Variants in DOCK3 observed in about 807,000 individuals in gnomAD.
DOCK3 encodes dedicator of cytokinesis 3, also known as dedicator of cytokinesis protein 3.
DOCK3 carries 60 observed loss-of-function variants against 265.6 expected under a neutral mutation model. That is an observed-to-expected ratio of 0.23 (90% CI 0.18 to 0.28). The LOEUF is 0.28. Ranked by LOEUF, DOCK3 falls within the 10% of genes least tolerant of loss-of-function variation. The pLI, the probability that DOCK3 is intolerant of heterozygous loss-of-function variation, is 1.00. For missense variants in DOCK3, 1,981 were observed against 2,594.3 expected (o/e 0.76, Z 5.14); for synonymous variants, 881 against 938.0 (o/e 0.94, Z 1.11).
chr3:51,331,932 A>C (rs946906988), intron 33 of DOCK3, among the ~76,000 whole-genome samples: 1 of 152,252 alleles, frequency 6.6e-6, no homozygotes, highest in African/African-American at 2.4e-5. Flanking sequence ...ACACATTTGA[A>C]AAATGCTGGT....
intron 5 of DOCK3, among the ~76,000 whole-genome samples, chr3:51,047,907 C>G (rs2080840078): frequency 6.6e-6 from 1 of 151,996 alleles, no homozygotes. Flanking sequence ...ACCATATTAC[C>G]AAAGCGAGAC....
intron 1 of DOCK3, among the ~76,000 whole-genome samples, chr3:50,737,165 TG>T (rs1329325216): frequency 2.6e-5 from 4 of 152,212 alleles, no homozygotes; most frequent in African/African-American, 9.7e-5. Context: ...CTATTCACTC[TG>T]ATGGTAGTTT....
intron 25 of DOCK3, among the ~76,000 whole-genome samples, chr3:51,276,146 G>A (rs1001226855): frequency 2.0e-5 from 3 of 152,156 alleles, no homozygotes; most frequent in East Asian, 1.9e-4. Context: ...TATTTTGTTC[G>A]AGCAGGGGAC....
intron 2 of DOCK3, 40 bp downstream of exon 2, chr3:50,778,798 T>A: frequency 7.1e-7 from 1 of 1,412,558 alleles, no homozygotes. Flanking sequence ...TGTGATCATT[T>A]TTGGCAGTAT....
rs9822202 is a variant in DOCK3 at position 50,722,392 on chromosome 3, A to C, written c.37+47092A>C. On this transcript the variant is annotated intron_variant, in intron 1 of 52. Transcript: ENST00000266037. ...TATTAAGAATTTTACCAGTGCCCAG[A>C]TTCCTAACCCTGGTGAAGAAAAAGT... Among the ~76,000 whole-genome samples the C allele has an allele frequency of 3.4e-3, 523 of 152,350 alleles. 4 individuals are homozygous for C. Among genetic ancestry groups the C allele is most frequent in the African/African-American group, 0.012 (504 of 41,576 alleles).
At chr3:51,211,327 G>A (rs2089487326) in intron 13 of DOCK3, among the ~76,000 whole-genome samples, 1 of 152,022 alleles carries the variant, frequency 6.6e-6, no homozygotes, top group African/African-American at 2.4e-5. Flanking sequence ...CAGATTAACA[G>A]AGAAATTGTA....
chr3:51,189,509 C>G (rs932885204), intron 12 of DOCK3, among the ~76,000 whole-genome samples: 1 of 152,136 alleles, frequency 6.6e-6, no homozygotes, highest in South Asian at 2.1e-4. Context: ...TAAGAACATA[C>G]AGTATTTGGT....
intron 32 of DOCK3, among the ~76,000 whole-genome samples, chr3:51,329,341 A>C (rs867106866): frequency 6.6e-6 from 1 of 152,180 alleles, no homozygotes; most frequent in African/African-American, 2.4e-5. Context: ...ACCATGGCAC[A>C]TGCTTACCCA....
At chr3:50,849,355 C>A (rs1194535074) in intron 3 of DOCK3, among the ~76,000 whole-genome samples, 2 of 151,308 alleles carry the variant, frequency 1.3e-5, no homozygotes, top group Non-Finnish European at 2.9e-5. Flanking sequence ...CATATATACA[C>A]ACACACACAT....
At chr3:51,099,453 A>G (rs1460636800) in intron 9 of DOCK3, among the ~76,000 whole-genome samples, 2 of 152,254 alleles carry the variant, frequency 1.3e-5, no homozygotes, top group Non-Finnish European at 2.9e-5. Context: ...GGTTCTTTAG[A>G]AAGTTTCACA....
At chr3:51,269,716 A>G (rs899706644) in intron 23 of DOCK3, among the ~76,000 whole-genome samples, 1 of 152,220 alleles carries the variant, frequency 6.6e-6, no homozygotes. Flanking sequence ...AGTTAATGGC[A>G]TAAGGGGACT....
chr3:50,863,354 T>A, intron 3 of DOCK3: 1 of 510,156 alleles, frequency 2.0e-6, no homozygotes, highest in South Asian at 1.4e-5. Flanking sequence ...GTGAGCTGGC[T>A]ACCCGGTTCT....
intron 25 of DOCK3, chr3:51,276,219 C>G (rs895395952): frequency 2.2e-5 from 6 of 276,396 alleles, no homozygotes; most frequent in Non-Finnish European, 3.3e-5. Context: ...AGGGGTCTAG[C>G]TTGGCAGAGA....
intron 5 of DOCK3, among the ~76,000 whole-genome samples, chr3:50,936,159 T>TA (rs961813507): frequency 3.3e-5 from 5 of 151,606 alleles, no homozygotes; most frequent in Admixed American, 2.6e-4. Flanking sequence ...TAACCAAAAT[T>TA]AAAAAAATAT....
intron 1 of DOCK3, among the ~76,000 whole-genome samples, chr3:50,678,651 T>G (rs1169114521): frequency 6.6e-6 from 1 of 152,104 alleles, no homozygotes; most frequent in African/African-American, 2.4e-5. Flanking sequence ...GCAATTTTTT[T>G]TTTTTGAGAG....
chr3:51,280,133 C>T lies in DOCK3; in HGVS notation c.2851C>T (p.Leu951=). ...TGEYVSCLLS[L]LRQMCDTHFQ... is the part of the protein sequence containing the mutation. ...CGAGTATGTGTCCTGCCTTCTCTCA[C>T]TGCTCCGCCAGATGTGTGACACCCA... The change falls in exon 27 of 53, where the codon CTG becomes TTG. Residue 951 remains leucine, a synonymous_variant. Coordinates refer to ENST00000266037, the MANE Select transcript of DOCK3 (RefSeq NM_004947.5). 6.2e-7 allele frequency: 1 copy of T among 1,613,872 alleles called. No individual in the cohort carries two copies. The highest frequency in any genetic ancestry group is 1.7e-5 in the Admixed American group (1 of 60,014).
At chr3:50,970,130 T>C (rs1004228092) in intron 5 of DOCK3, among the ~76,000 whole-genome samples, 1 of 152,158 alleles carries the variant, frequency 6.6e-6, no homozygotes, top group Non-Finnish European at 1.5e-5. Context: ...CCCAGTCTCT[T>C]CTGGCTTATA....
At chr3:50,823,861 A>C (rs1324862700) in intron 2 of DOCK3, among the ~76,000 whole-genome samples, 2 of 152,160 alleles carry the variant, frequency 1.3e-5, no homozygotes, top group Non-Finnish European at 2.9e-5. Flanking sequence ...CTCATTAACC[A>C]CCATGTCCTA....
chr3:51,153,794 C>A (rs1467637475), intron 10 of DOCK3, among the ~76,000 whole-genome samples: 1 of 152,184 alleles, frequency 6.6e-6, no homozygotes, highest in African/African-American at 2.4e-5. Flanking sequence ...CATGTGTGTT[C>A]TTCAAGTTTA....
Sources: gnomAD v4.1 joint callset for allele counts (sites outside exome capture counted in the v4.1 genomes callset) on GRCh38, gnomAD v4.1.1 for gene constraint, MANE v1.5 for transcripts, NCBI Gene and HGNC (gene_info 2026-07-23, HGNC 2026-07-21) for gene names.